The following XDH variants were observed in gnomAD, a reference collection of about 807,000 sequenced individuals.
XDH encodes the protein xanthine dehydrogenase/oxidase.
A neutral mutation model predicts 156.1 loss-of-function variants in XDH; 138 were observed. The ratio of observed to expected loss-of-function variants is 0.88; its 90% confidence interval spans 0.77 to 1.02. The LOEUF (loss-of-function observed/expected upper bound fraction) is 1.02, where lower values mean the gene tolerates loss of function less well. Ranked by LOEUF, XDH falls within the 50% of genes least tolerant of loss-of-function variation. The pLI is 0.00. For synonymous variants in XDH, 669 were observed against 625.7 expected, an observed-to-expected ratio of 1.07 and a Z score of -1.03; for missense variants, 1,849 against 1,684.9, an observed-to-expected ratio of 1.10 and a Z score of -1.71.
At chr2:31,382,970 C>A (rs376241548) in intron 11 of XDH, 31 bp downstream of exon 11, 2 of 1,613,746 alleles carry the variant, frequency 1.2e-6, no homozygotes, top group African/African-American at 1.3e-5. Context: ...CTCCATCCTA[C>A]GGGCCTCGCT....
At chr2:31,336,611 C>T (rs897300906) in intron 35 of XDH, among the ~76,000 whole-genome samples, 3 of 151,278 alleles carry the variant, frequency 2.0e-5, no homozygotes, top group African/African-American at 4.9e-5. Context: ...GAGTGCCACA[C>T]GGTCTGTGTA....
At chr2:31,369,337 T>C (rs1367716917) in intron 18 of XDH, among the ~76,000 whole-genome samples, 5 of 152,208 alleles carry the variant, frequency 3.3e-5, no homozygotes, top group Non-Finnish European at 7.3e-5. Flanking sequence ...AAAATTTATA[T>C]GATAATGATT....
chr2:31,358,886 T>C (rs752345302), intron 24 of XDH, among the ~76,000 whole-genome samples: 1 of 152,158 alleles, frequency 6.6e-6, no homozygotes, highest in Admixed American at 6.5e-5. Flanking sequence ...TGACCTATAG[T>C]TCTGCAAGGT....
chr2:31,382,494 A>C (rs1686464377), intron 11 of XDH, among the ~76,000 whole-genome samples: 1 of 152,202 alleles, frequency 6.6e-6, no homozygotes, highest in African/African-American at 2.4e-5. Flanking sequence ...ACCATTTGCA[A>C]ACTGGGAATG....
chr2:31,352,838 A>G (rs1685519713), intron 24 of XDH, among the ~76,000 whole-genome samples: 1 of 151,536 alleles, frequency 6.6e-6, no homozygotes, highest in Admixed American at 6.6e-5. Context: ...GAGGAGTGTG[A>G]TCCAAAAGGG....
intron 20 of XDH, 107 bp from the exon 21 acceptor site, chr2:31,367,101 G>C: frequency 6.3e-7 from 1 of 1,578,258 alleles, no homozygotes; most frequent in East Asian, 2.3e-5. Flanking sequence ...GGAAGCAATG[G>C]CTACCTGAGG....
chr2:31,395,233 G>A (rs910310863), intron 6 of XDH, among the ~76,000 whole-genome samples: 11 of 152,208 alleles, frequency 7.2e-5, no homozygotes, highest in African/African-American at 1.9e-4. Flanking sequence ...AGCTTGTGCC[G>A]CTCACCTGTG....
rs752308380 is a variant in XDH, at chr2:31,387,856, C to T, written c.606G>A (p.Thr202=). ...SPSLFKPEEF[T]PLDPTQEPIF... Reference sequence around the variant, plus strand: ...TGGGCTCCTGGGTTGGATCCAGGGGCGTGAACTCCTCTGGTTTGAATAAAG... The same window carrying T: ...TGGGCTCCTGGGTTGGATCCAGGGGTGTGAACTCCTCTGGTTTGAATAAAG... Residue 202 remains threonine (T), a synonymous_variant, in exon 8 of 36, where the codon ACG becomes ACA. Coordinates refer to ENST00000379416, the MANE Select transcript of XDH (RefSeq NM_000379.4). The T allele has an allele frequency of 8.0e-5, 127 of 1,588,848 alleles. No individual in the cohort carries two copies. The Middle Eastern group carries it at 5.3e-3, about 66-fold the overall frequency.
At chr2:31,412,445 A>G (rs1687365848) in intron 1 of XDH, among the ~76,000 whole-genome samples, 1 of 149,668 alleles carries the variant, frequency 6.7e-6, no homozygotes, top group African/African-American at 2.5e-5. Context: ...GAACACTTGG[A>G]CACAGGAAGG....
At chr2:31,377,562 C>A in intron 13 of XDH, among the ~76,000 whole-genome samples, 1 of 152,114 alleles carries the variant, frequency 6.6e-6, no homozygotes, top group Non-Finnish European at 1.5e-5. Flanking sequence ...CACAAAGGCT[C>A]CTTAGAGACC....
intron 11 of XDH, among the ~76,000 whole-genome samples, chr2:31,381,927 G>C (rs528116020): frequency 6.6e-6 from 1 of 152,194 alleles, no homozygotes. Context: ...GAATACTTGA[G>C]ATTGGATCCC....
In XDH at chr2:31,372,284, G is replaced by A. The variant is rs139964785; in HGVS notation, c.1800C>T (p.Tyr600=). 4.4e-5 allele frequency: 71 copies of A among 1,614,244 alleles called. 1 individual carries two copies. Among genetic ancestry groups the A allele is most frequent in the East Asian group, 2.7e-4 (12 of 44,888 alleles). ...CCAGCCGGAGAGACAGCTCATTCTC[G>A]TAGCGAGGAATGTCGTCACAGTACA... ...EAVYCDDIPR[Y]ENELSLRLVT... The change falls in exon 17 of 36, where the codon TAC becomes TAT. Residue 600 remains tyrosine, a synonymous_variant. Coordinates refer to ENST00000379416, the MANE Select transcript of XDH (RefSeq NM_000379.4).
At chr2:31,406,001 A>G (rs766802827) in intron 1 of XDH, 37 bp from the exon 2 acceptor site, 2 of 1,600,882 alleles carry the variant, frequency 1.2e-6, no homozygotes, top group Non-Finnish European at 1.7e-6. Flanking sequence ...TATCATAGGT[A>G]TACTTAGTCA....
In XDH at chr2:31,350,125, C is replaced by G. The variant is rs376072451; in HGVS notation, c.2730G>C (p.Thr910=). ...GGGGCCCCCCAAAGCCCCGGAAGGCCGTGTTGGAGGGAAGGTTGGTTTTGC... is the reference window on the plus strand; with the variant it reads ...GGGGCCCCCCAAAGCCCCGGAAGGCGGTGTTGGAGGGAAGGTTGGTTTTGC... ...RLCKTNLPSN[T]AFRGFGGPQG... is the part of the protein sequence containing the mutation. Residue 910 remains threonine, a synonymous_variant, in exon 25 of 36, where the codon ACG becomes ACC. Transcript: ENST00000379416. 6.2e-7 allele frequency: 1 copy of G among 1,614,204 alleles called. No individual in the cohort carries two copies. Among genetic ancestry groups the G allele is most frequent in the South Asian group, 1.1e-5 (1 of 91,086 alleles).
At chr2:31,369,593 T>A (rs1259641409) in intron 18 of XDH, among the ~76,000 whole-genome samples, 1 of 152,170 alleles carries the variant, frequency 6.6e-6, no homozygotes, top group Non-Finnish European at 1.5e-5. Context: ...TAAATCTGGC[T>A]GTTGGTTATT....
chr2:31,411,957 A>AAGTGAGTGAGTGAGTG (rs45455193), intron 1 of XDH, among the ~76,000 whole-genome samples: 17 of 150,452 alleles, frequency 1.1e-4, no homozygotes, highest in Admixed American at 2.7e-4. Flanking sequence ...AATGATGAGT[A>AAGTGAGTGAGTGAGTG]AGTGAGTGAG....
intron 30 of XDH, among the ~76,000 whole-genome samples, chr2:31,345,619 A>T (rs2148753019): frequency 6.6e-6 from 1 of 152,324 alleles, no homozygotes; most frequent in Non-Finnish European, 1.5e-5. Flanking sequence ...AGATGAGGAA[A>T]CTAAGGCTTG....
chr2:31,393,382 C>A (rs1037393086), intron 6 of XDH, among the ~76,000 whole-genome samples: 1 of 152,074 alleles, frequency 6.6e-6, no homozygotes, highest in Non-Finnish European at 1.5e-5. Context: ...ATTTTTAATG[C>A]CCCTCTTTTT....
At chr2:31,337,910 G>T in intron 34 of XDH, 93 bp from the exon 35 acceptor site, 2 of 1,394,658 alleles carry the variant, frequency 1.4e-6, no homozygotes, top group Non-Finnish European at 9.8e-7. Flanking sequence ...AGCAAACTCT[G>T]CACGAGGAGG....
Sources: gnomAD v4.1 joint callset for allele counts (sites outside exome capture counted in the v4.1 genomes callset) on GRCh38, gnomAD v4.1.1 for gene constraint, MANE v1.5 for transcripts, NCBI Gene and HGNC (gene_info 2026-07-23, HGNC 2026-07-21) for gene names.